TPPP2: variants seen among roughly 807,000 people sequenced by gnomAD.
TPPP2 encodes tubulin polymerization promoting protein family member 2, also known as tubulin polymerization-promoting protein family member 2.
TPPP2 carries 8 observed loss-of-function variants against 13.0 expected under a neutral mutation model. The ratio of observed to expected loss-of-function variants is 0.62; its 90% CI spans 0.36 to 1.11. The LOEUF (loss-of-function observed/expected upper bound fraction) is 1.11. Ranked by LOEUF, TPPP2 falls within the 50% of genes most tolerant of loss-of-function variation. TPPP2 has a pLI of 0.02. For synonymous variants in TPPP2, 81 were observed against 81.8 expected (o/e 0.99, Z 0.05); for missense variants, 213 against 216.9 (o/e 0.98, Z 0.11).
downstream of TPPP2, chr14:21,034,924 C>T (rs764104656): frequency 6.6e-6 from 1 of 152,464 alleles, no homozygotes; most frequent in Non-Finnish European, 1.5e-5. Context: ...ATCTCCTTGC[C>T]AAAAGTTCCT....
chr14:21,031,916 G>A lies in TPPP2; in HGVS notation c.352G>A (p.Asp118Asn). 6.2e-7 allele frequency: 1 copy of A among 1,614,096 alleles called. No homozygotes were observed. The highest frequency in any genetic ancestry group is 2.2e-5 in the East Asian group (1 of 44,872). ...ATKATTVGAV[D>N]RLTDTSKYTG... is the part of the protein sequence containing the mutation. ...GAAAGCAACAACAGTGGGTGCAGTG[G>A]ACCGTTTGACAGACACCAGCAAGTA... Residue 118 changes from aspartate to asparagine, a missense_variant, in exon 4 of 4, where the codon GAC (aspartate) becomes AAC (asparagine). Transcript: ENST00000321760.
upstream of TPPP2, chr14:21,028,328 T>A (rs922214799): frequency 7.2e-5 from 11 of 152,170 alleles, no homozygotes; most frequent in Non-Finnish European, 4.4e-5. Flanking sequence ...CCTAGTTCAC[T>A]GCAGCCCCAA....
downstream of TPPP2, chr14:21,033,464 G>A: frequency 3.0e-6 from 1 of 330,330 alleles, no homozygotes; most frequent in Admixed American, 4.5e-5. Flanking sequence ...TGTTGCCATG[G>A]TGTGAGCTGA....
rs770329926 is a variant in TPPP2, at chr14:21,031,950, C to T, written c.386C>T (p.Thr129Ile). 7.4e-6 allele frequency: 12 copies of T among 1,614,136 alleles called. No individual in the cohort carries two copies. The highest frequency in any genetic ancestry group is 1.0e-5 in the Non-Finnish European group (12 of 1,180,026). Residue 129 changes from threonine (T) to isoleucine (I), a missense_variant, in exon 4 of 4, where the codon ACC becomes ATC. By Grantham distance (89) the Thr-to-Ile change is moderately conservative. Transcript: ENST00000321760. ...ACAGACACCAGCAAGTACACCGGCACCCACAAGGAGCGCTTTGATGAGAGT... is the reference window on the plus strand; with the variant it reads ...ACAGACACCAGCAAGTACACCGGCATCCACAAGGAGCGCTTTGATGAGAGT... ...RLTDTSKYTG[T>I]HKERFDESGK...
At chr14:21,029,792 T>A (rs552162542), upstream of TPPP2, among the ~76,000 whole-genome samples, 1 of 152,112 alleles carries the variant, frequency 6.6e-6, no homozygotes, top group Admixed American at 6.5e-5. Context: ...GAAGGTGCCA[T>A]CTATGGACCG....
At chr14:21,034,641 A>C, downstream of TPPP2, 1 of 232,366 alleles carries the variant, frequency 4.3e-6, no homozygotes, top group East Asian at 9.1e-5. Context: ...GAGAAGAAAG[A>C]AGGAGCAGGC....
chr14:21,031,724 C>T (rs920141577), intron 3 of TPPP2, among the ~76,000 whole-genome samples, 168 bp from the exon 4 acceptor site: 4 of 152,160 alleles, frequency 2.6e-5, no homozygotes, highest in South Asian at 2.1e-4. Flanking sequence ...CGGCTCTTAC[C>T]AGAGTACCTG....
intron 2 of TPPP2, 92 bp from the exon 3 acceptor site, chr14:21,030,920 A>G: frequency 3.9e-6 from 6 of 1,539,030 alleles, no homozygotes; most frequent in Non-Finnish European, 5.3e-6. Flanking sequence ...TGATAGGACA[A>G]AAGAGGCCAA....
chr14:21,032,775 T>C lies in TPPP2; in HGVS notation c.*698T>C. The C allele has an allele frequency of 5.4e-6, 2 of 373,442 alleles. No homozygotes were observed. The highest frequency in any genetic ancestry group is 4.1e-5 in the South Asian group (2 of 49,252). The allele number at this position is 373,442 out of a possible 1,614,324, so 23.1% of individuals were successfully genotyped here. On this transcript the variant is annotated 3_prime_UTR_variant, in exon 4 of 4. Coordinates refer to ENST00000321760, the MANE Select transcript of TPPP2 (RefSeq NM_173846.5). ...GCCAGGATTCCAAGAGCAGGAGTTC[T>C]GGTGCACTGAAGAAAAAGCAATTAA... is the stretch of plus-strand genomic sequence containing the variant.
chr14:21,026,182 T>A (rs1883596623), upstream of TPPP2, among the ~76,000 whole-genome samples: 1 of 151,760 alleles, frequency 6.6e-6, no homozygotes, highest in Non-Finnish European at 1.5e-5. Context: ...TGGAATGAGC[T>A]CTCCTTGTGC....
At chr14:21,027,929 A>G (rs1261328021), upstream of TPPP2, among the ~76,000 whole-genome samples, 2 of 152,244 alleles carry the variant, frequency 1.3e-5, no homozygotes, top group East Asian at 3.8e-4. Flanking sequence ...GTTTGGAGGC[A>G]GAAACATTCA....
chr14:21,024,332 T>A, exon 1 of TPPP2: 2 of 975,380 alleles, frequency 2.1e-6, no homozygotes, highest in Non-Finnish European at 2.4e-6. Context: ...GAGAAGGAAG[T>A]GCTGATGTGG....
At chr14:21,033,437 G>T, downstream of TPPP2, 1 of 294,074 alleles carries the variant, frequency 3.4e-6, no homozygotes, top group South Asian at 3.8e-5. Context: ...GGGGAGGTGA[G>T]ACTCGGAGCT....
At chr14:21,030,125 T>C (rs77985338), upstream of TPPP2, 3,312 of 154,842 alleles carry the variant, frequency 0.021, 128 homozygotes, top group African/African-American at 0.075. Context: ...GCCCCCTCCT[T>C]TGAAGGCAAT....
chr14:21,027,435 A>G (rs747460572), upstream of TPPP2, among the ~76,000 whole-genome samples: 2 of 152,240 alleles, frequency 1.3e-5, no homozygotes, highest in Non-Finnish European at 2.9e-5. Flanking sequence ...ACATTTTGAC[A>G]TTTGTCAAGA....
At chr14:21,030,884 C>A in intron 2 of TPPP2, 128 bp from the exon 3 acceptor site, 1 of 1,507,054 alleles carries the variant, frequency 6.6e-7, no homozygotes, top group East Asian at 2.3e-5. Context: ...GCTGTGCTAT[C>A]CTTTGTCTTC....
Position 21,032,387 on chromosome 14 carries a change from G to C in TPPP2, c.*310G>C, listed in dbSNP as rs768349268. 2 of 473,712 alleles carry C rather than the reference G, an allele frequency of 4.2e-6. No individual in the cohort carries two copies. The highest frequency in any genetic ancestry group is 3.2e-5 in the South Asian group (2 of 61,758). 29.3% of individuals were successfully genotyped at this position (473,712 alleles called of 1,614,324 possible). A position where few individuals can be genotyped will look rare whatever the true frequency, so the allele number is the denominator to read the frequency against. Reference sequence around the variant, plus strand: ...AGATGAACCAGATGTGGAGGTAAAAGTATCTACTACTTGTGTTCACACATT... The same window carrying C: ...AGATGAACCAGATGTGGAGGTAAAACTATCTACTACTTGTGTTCACACATT... On this transcript the variant is annotated 3_prime_UTR_variant, in exon 4 of 4. Transcript: ENST00000321760.
chr14:21,025,308 C>T (rs757260151), upstream of TPPP2: 36 of 963,046 alleles, frequency 3.7e-5, no homozygotes, highest in Non-Finnish European at 4.2e-5. The surrounding 1 kb of genome is among the most constrained non-coding windows in gnomAD (Gnocchi z 5.1). Flanking sequence ...ACCCCCTCCC[C>T]GCATTGGGGC....
At position 21,031,348 on chromosome 14, in the gene TPPP2, G is replaced by A. The variant is rs1258082496; in HGVS notation, c.327+183G>A. Reference sequence around the variant, plus strand: ...AGAGAAGGGAAGTGACTTGCCCAAGGTCCATGGCTATTTTAATAGTAGATT... The same window carrying A: ...AGAGAAGGGAAGTGACTTGCCCAAGATCCATGGCTATTTTAATAGTAGATT... On this transcript the variant is annotated intron_variant, in intron 3 of 3. Coordinates refer to ENST00000321760, the MANE Select transcript of TPPP2 (RefSeq NM_173846.5). 3 of 672,726 alleles carry A rather than the reference G, an allele frequency of 4.5e-6. No individual in the cohort carries two copies. In the African/African-American group the frequency reaches 5.5e-5, roughly 12 times the overall value. The allele number at this position is 672,726 out of a possible 1,614,324, so 41.7% of individuals were successfully genotyped here.
Sources: gnomAD v4.1 joint callset for allele counts (sites outside exome capture counted in the v4.1 genomes callset) on GRCh38, gnomAD v4.1.1 for gene constraint, Gnocchi (gnomAD v3.1) non-coding constraint, MANE v1.5 for transcripts, NCBI Gene and HGNC (gene_info 2026-07-23, HGNC 2026-07-21) for gene names.